The following SLC17A6 variants were observed in gnomAD, a reference collection of about 807,000 sequenced individuals.
The protein encoded by SLC17A6 is vesicular glutamate transporter 2.
A neutral mutation model predicts 67.1 loss-of-function variants in SLC17A6; 35 were observed. The ratio of observed to expected loss-of-function variants is 0.52; its 90% CI spans 0.40 to 0.69. The LOEUF (loss-of-function observed/expected upper bound fraction) is 0.69, where lower values mean the gene tolerates loss of function less well. Ranked by LOEUF, SLC17A6 falls within the 30% of genes least tolerant of loss-of-function variation. The probability of loss-of-function intolerance (pLI) is 0.00; values close to 1 mark genes in which losing one functional copy is unlikely to be tolerated. For missense variants in SLC17A6, 588 were observed against 723.9 expected (o/e 0.81, Z 2.15); for synonymous variants, 285 against 252.3 (o/e 1.13, Z -1.23).
At chr11:22,360,727 T>C (rs1564983299) in intron 4 of SLC17A6, among the ~76,000 whole-genome samples, 170 bp from the exon 5 acceptor site, 1 of 152,158 alleles carries the variant, frequency 6.6e-6, no homozygotes, top group Non-Finnish European at 1.5e-5. Context: ...TTCAAACTGT[T>C]CAGAATTGCA....
intron 3 of SLC17A6, among the ~76,000 whole-genome samples, chr11:22,355,085 G>C (rs1207113744): frequency 1.3e-5 from 2 of 151,928 alleles, no homozygotes; most frequent in Admixed American, 1.3e-4. Context: ...CCATTCTTCT[G>C]GTTGTTTTAC....
Position 22,341,708 on chromosome 11 carries a change from C to T in SLC17A6, c.267C>T (p.Cys89=). Residue 89 remains cysteine, a synonymous_variant, in exon 2 of 12, where the codon TGC becomes TGT. Coordinates refer to ENST00000263160, the MANE Select transcript of SLC17A6 (RefSeq NM_020346.3). ...TCTGCATCTCCTTCGGTATCCGCTG[C>T]AACCTGGGCGTGGCCATTGTGGACA... is the stretch of plus-strand genomic sequence containing the variant. ...LGFCISFGIR[C]NLGVAIVDMV... 1.2e-6 allele frequency: 2 copies of T among 1,614,236 alleles called. No individual in the cohort carries two copies. The highest frequency in any genetic ancestry group is 1.1e-5 in the South Asian group (1 of 91,088).
At chr11:22,359,876 G>A (rs914069710) in intron 4 of SLC17A6, among the ~76,000 whole-genome samples, 3 of 151,992 alleles carry the variant, frequency 2.0e-5, no homozygotes, top group African/African-American at 7.2e-5. Context: ...AGTATCTTGG[G>A]AGTTTTATAC....
At chr11:22,349,121 T>A (rs1855909722) in intron 3 of SLC17A6, among the ~76,000 whole-genome samples, 1 of 152,116 alleles carries the variant, frequency 6.6e-6, no homozygotes, top group Non-Finnish European at 1.5e-5. Flanking sequence ...TACTTACCTA[T>A]CCATTGCAAC....
At position 22,374,794 on chromosome 11, in the gene SLC17A6, A is replaced by G. The variant is rs1305679676; in HGVS notation, c.1081A>G (p.Ile361Val). 6.2e-7 allele frequency: 1 copy of G among 1,613,262 alleles called. No individual in the cohort carries two copies. The highest frequency in any genetic ancestry group is 8.5e-7 in the Non-Finnish European group (1 of 1,179,746). The change falls in exon 9 of 12, where the codon ATT becomes GTT. Residue 361 changes from isoleucine (I) to valine (V), a missense_variant. Around this residue, in one of 4 missense-constraint regions of SLC17A6, gnomAD observed 414 missense variants for 563.4 expected, o/e 0.73. Coordinates refer to ENST00000263160, the MANE Select transcript of SLC17A6 (RefSeq NM_020346.3). ...TGCTGTGCCACACTTAGTAATGACA[A>G]TTATTGTGCCTATTGGGGGACAAAT... ...LSAVPHLVMT[I>V]IVPIGGQIAD... is the part of the protein sequence containing the mutation.
At chr11:22,339,297 A>T (rs1359342674) in intron 1 of SLC17A6, among the ~76,000 whole-genome samples, 4 of 150,806 alleles carry the variant, frequency 2.7e-5, no homozygotes, top group African/African-American at 9.7e-5. Context: ...AATGAAGAAG[A>T]ATCAAAATAT....
intron 3 of SLC17A6, 51 bp downstream of exon 3, chr11:22,343,416 G>T (rs760909352): frequency 8.1e-6 from 12 of 1,484,398 alleles, no homozygotes; most frequent in Admixed American, 3.9e-5. Context: ...TGTTTCCTCC[G>T]AAGGGGCAGC....
At chr11:22,365,184 C>A (rs887227090) in intron 6 of SLC17A6, among the ~76,000 whole-genome samples, 2 of 152,112 alleles carry the variant, frequency 1.3e-5, no homozygotes, top group Non-Finnish European at 1.5e-5. Flanking sequence ...TCTTTGAGGA[C>A]AGGAATTTTG....
At chr11:22,343,468 C>A in intron 3 of SLC17A6, 103 bp downstream of exon 3, 1 of 951,858 alleles carries the variant, frequency 1.1e-6, no homozygotes. Context: ...GGTTTGAGGA[C>A]TCCCGGGCGA....
intron 8 of SLC17A6, among the ~76,000 whole-genome samples, chr11:22,371,579 G>A (rs1341497646): frequency 6.6e-6 from 1 of 151,562 alleles, no homozygotes; most frequent in Non-Finnish European, 1.5e-5. Context: ...ATATGATACC[G>A]ACAGGCTATT....
At chr11:22,376,181 C>G in intron 10 of SLC17A6, 89 bp downstream of exon 10, 1 of 732,406 alleles carries the variant, frequency 1.4e-6, no homozygotes, top group Non-Finnish European at 2.2e-6. Flanking sequence ...TTATAGATAT[C>G]TTCATATATA....
intron 6 of SLC17A6, among the ~76,000 whole-genome samples, chr11:22,363,789 T>A (rs186812150): frequency 3.3e-5 from 5 of 152,108 alleles, no homozygotes; most frequent in Non-Finnish European, 7.4e-5. Flanking sequence ...ATTTTTTTTT[T>A]CTTAGGGAGA....
chr11:22,346,762 A>C (rs1855880896), intron 3 of SLC17A6, among the ~76,000 whole-genome samples: 1 of 150,468 alleles, frequency 6.6e-6, no homozygotes, highest in Non-Finnish European at 1.5e-5. Context: ...CTGTATTTAA[A>C]TTGCTGTGAA....
chr11:22,347,932 C>T (rs1564979549), intron 3 of SLC17A6, among the ~76,000 whole-genome samples: 1 of 152,128 alleles, frequency 6.6e-6, no homozygotes, highest in Non-Finnish European at 1.5e-5. Context: ...GAATTTCTAA[C>T]TTGACTTTTT....
chr11:22,360,987 G>A lies in SLC17A6; in HGVS notation c.661+3G>A. 1 of 1,613,208 alleles carries A rather than the reference G, an allele frequency of 6.2e-7. No homozygotes were observed. The highest frequency in any genetic ancestry group is 8.5e-7 in the Non-Finnish European group (1 of 1,179,246). On this transcript the variant is annotated splice_donor_region_variant and intron_variant, in intron 5 of 11. Coordinates refer to ENST00000263160, the MANE Select transcript of SLC17A6 (RefSeq NM_020346.3). ...ACTGGCAACCACCTCCTTTTGTGGT[G>A]AGTACTGTGTGCAGATGCAGCTATG...
chr11:22,376,583 G>A lies in SLC17A6; in HGVS notation c.1324G>A (p.Ala442Thr), dbSNP rs1191114099. The stretch of plus-strand genomic sequence containing the variant: ...CCACTTGGATATCGCTCCAAGATAT[G>A]CCAGTATCTTAATGGGCATTTCGAA... ...VNHLDIAPRY[A>T]SILMGISNGV... Residue 442 changes from alanine to threonine, a missense_variant, in exon 11 of 12, where the codon GCC becomes ACC. This residue lies in a region of SLC17A6 where 414 missense variants were observed against 563.4 expected (regional missense o/e 0.73). Transcript: ENST00000263160. 6.2e-7 allele frequency: 1 copy of A among 1,613,714 alleles called. No individual in the cohort carries two copies. The highest frequency in any genetic ancestry group is 1.7e-5 in the Admixed American group (1 of 59,996).
At chr11:22,355,382 C>T (rs899083786) in intron 3 of SLC17A6, among the ~76,000 whole-genome samples, 1 of 152,058 alleles carries the variant, frequency 6.6e-6, no homozygotes, top group South Asian at 2.1e-4. Context: ...ATCAGCCTTT[C>T]CCCCCACCCT....
chr11:22,360,787 A>C (rs1856043832), intron 4 of SLC17A6, 110 bp from the exon 5 acceptor site: 1 of 831,104 alleles, frequency 1.2e-6, no homozygotes, highest in Non-Finnish European at 1.9e-6. Flanking sequence ...TCAGAAAAAA[A>C]GAAAATTGAG....
intron 1 of SLC17A6, 101 bp from the exon 2 acceptor site, chr11:22,341,426 GC>G: frequency 6.6e-7 from 1 of 1,508,026 alleles, no homozygotes; most frequent in Non-Finnish European, 8.9e-7. Context: ...GAGGTCGACG[GC>G]CCTCCTCCCA....
Sources: gnomAD v4.1 joint callset for allele counts (sites outside exome capture counted in the v4.1 genomes callset) on GRCh38, gnomAD v4.1.1 for gene constraint, gnomAD v4.1.1 regional missense constraint, MANE v1.5 for transcripts, NCBI Gene and HGNC (gene_info 2026-07-23, HGNC 2026-07-21) for gene names.